Variants in ACYP2 observed in about 807,000 individuals in gnomAD.
ACYP2 encodes acylphosphatase-2.
ACYP2 carries 12 observed loss-of-function variants against 11.2 expected under a neutral mutation model. That is an observed-to-expected ratio of 1.08 (90% confidence interval 0.69 to 1.74). The LOEUF (loss-of-function observed/expected upper bound fraction) is 1.74, where lower values mean the gene tolerates loss of function less well. Ranked by LOEUF, ACYP2 falls within the 40% of genes most tolerant of loss-of-function variation. ACYP2 has a pLI of 0.00. For missense variants in ACYP2, 134 were observed against 101.9 expected (o/e 1.31, Z -1.35); for synonymous variants, 43 against 32.2 (o/e 1.33, Z -1.13).
intron 2 of ACYP2, among the ~76,000 whole-genome samples, chr2:54,050,672 G>A (rs13409049): frequency 0.026 from 3,929 of 151,926 alleles, 162 homozygotes; most frequent in African/African-American, 0.089. Context: ...TGTATACACC[G>A]CTCCAGTGCT....
chr2:54,281,678 T>G (rs536415764), intron 6 of ACYP2, among the ~76,000 whole-genome samples: 1 of 152,292 alleles, frequency 6.6e-6, no homozygotes, highest in African/African-American at 2.4e-5. Flanking sequence ...AATCAAAAGC[T>G]TACTCTTGTG....
intron 6 of ACYP2, among the ~76,000 whole-genome samples, chr2:54,226,314 A>G (rs1686008908): frequency 6.6e-6 from 1 of 152,182 alleles, no homozygotes; most frequent in African/African-American, 2.4e-5. Flanking sequence ...AAAGATATTG[A>G]GCGTCTGGAA....
intron 4 of ACYP2, among the ~76,000 whole-genome samples, chr2:54,098,730 T>C (rs948630698): frequency 1.6e-5 from 1 of 61,262 alleles, no homozygotes; most frequent in Admixed American, 1.6e-4. Context: ...ATGTCCCTTT[T>C]TTTTTTTTTT....
intron 2 of ACYP2, among the ~76,000 whole-genome samples, chr2:54,030,403 CAT>C (rs1165571426): frequency 3.3e-5 from 5 of 152,118 alleles, no homozygotes; most frequent in African/African-American, 4.8e-5. Flanking sequence ...TCCTACTGAC[CAT>C]ATGTTTCATT....
chr2:54,206,844 C>T (rs747026235), intron 6 of ACYP2, among the ~76,000 whole-genome samples: 25 of 152,116 alleles, frequency 1.6e-4, no homozygotes, highest in Admixed American at 7.9e-4. Context: ...CCATATTGTT[C>T]GGGGCAGGCT....
At chr2:54,090,523 C>T (rs1471629013) in intron 4 of ACYP2, among the ~76,000 whole-genome samples, 2 of 152,164 alleles carry the variant, frequency 1.3e-5, no homozygotes, top group Non-Finnish European at 2.9e-5. Flanking sequence ...CCCAGCTACT[C>T]AGGAGGCTGA....
chr2:54,073,126 AT>A (rs996869407), intron 4 of ACYP2, among the ~76,000 whole-genome samples: 3 of 152,206 alleles, frequency 2.0e-5, no homozygotes, highest in African/African-American at 7.2e-5. Flanking sequence ...CGCTAAGACA[AT>A]TCAATGGGAA....
At chr2:54,232,752 G>C (rs1455524508) in intron 6 of ACYP2, among the ~76,000 whole-genome samples, 1 of 152,158 alleles carries the variant, frequency 6.6e-6, no homozygotes, top group Non-Finnish European at 1.5e-5. Flanking sequence ...GGCGGCAAGA[G>C]AGGGAGAGCA....
At chr2:54,228,373 G>A (rs543816294) in intron 6 of ACYP2, among the ~76,000 whole-genome samples, 5 of 152,190 alleles carry the variant, frequency 3.3e-5, no homozygotes, top group East Asian at 1.9e-4. Flanking sequence ...ACAGTATTAT[G>A]TATCATCTGT....
At chr2:54,127,664 C>T (rs1680616238) in intron 4 of ACYP2, among the ~76,000 whole-genome samples, 1 of 150,726 alleles carries the variant, frequency 6.6e-6, no homozygotes, top group African/African-American at 2.4e-5. Context: ...CGGAGAATCG[C>T]TTGAACCTGG....
At chr2:54,219,829 A>ATATATATGTGTGTACGTGTG (rs796177863) in intron 6 of ACYP2, among the ~76,000 whole-genome samples, 1 of 141,126 alleles carries the variant, frequency 7.1e-6, no homozygotes, top group East Asian at 2.1e-4. Context: ...GTGTGTGTGT[A>ATATATATGTGTGTACGTGTG]TATATATGTG....
At chr2:54,042,896 A>G (rs1186842711) in intron 2 of ACYP2, among the ~76,000 whole-genome samples, 1 of 152,228 alleles carries the variant, frequency 6.6e-6, no homozygotes, top group Non-Finnish European at 1.5e-5. Context: ...AGGAACCTAA[A>G]CACATCAGCA....
intron 2 of ACYP2, among the ~76,000 whole-genome samples, chr2:54,009,428 G>A (rs185384198): frequency 2.6e-5 from 4 of 152,034 alleles, no homozygotes; most frequent in African/African-American, 9.6e-5. Flanking sequence ...AAACAAATTA[G>A]CTGGGCATGG....
intron 6 of ACYP2, among the ~76,000 whole-genome samples, chr2:54,164,240 G>A (rs1486608697): frequency 2.0e-5 from 3 of 152,166 alleles, no homozygotes; most frequent in African/African-American, 7.2e-5. Context: ...AATCATGGAT[G>A]CACACAGGAA....
chr2:54,166,157 T>A (rs572410114), intron 6 of ACYP2, among the ~76,000 whole-genome samples: 1 of 152,328 alleles, frequency 6.6e-6, no homozygotes, highest in South Asian at 2.1e-4. Flanking sequence ...CCAAAGTGTG[T>A]GCGCTCCACT....
In ACYP2 at chr2:54,267,614, G is replaced by T. The variant is rs186152310; in HGVS notation, c.405-37074G>T. Among the ~76,000 whole-genome samples, 225 of 152,300 alleles carry T rather than the reference G, an allele frequency of 1.5e-3. 1 individual carries two copies. The highest frequency in any genetic ancestry group is 5.3e-3 in the African/African-American group (219 of 41,566). On this transcript the variant is annotated intron_variant, in intron 6 of 6. Coordinates refer to ENST00000607452, the MANE Select transcript of ACYP2 (RefSeq NM_001320586.2). ...AAATTTAAAGATCATTCTGGAAAATGAGACAGGAATTAAAAGAACTCTATG... is the reference window on the plus strand; with the variant it reads ...AAATTTAAAGATCATTCTGGAAAATTAGACAGGAATTAAAAGAACTCTATG...
At chr2:54,209,062 G>A (rs527747738) in intron 6 of ACYP2, among the ~76,000 whole-genome samples, 1 of 149,832 alleles carries the variant, frequency 6.7e-6, no homozygotes, top group Non-Finnish European at 1.5e-5. Context: ...TAAGAATGAA[G>A]CTAGGAATGT....
chr2:54,144,673 C>CA (rs60045228), intron 6 of ACYP2, among the ~76,000 whole-genome samples: 11,741 of 113,166 alleles, frequency 0.1, 641 homozygotes, highest in East Asian at 0.33. Context: ...GACTCTGTCT[C>CA]AAAAAAAAAA....
At chr2:54,027,606 C>T (rs1166203607) in intron 2 of ACYP2, among the ~76,000 whole-genome samples, 1 of 152,068 alleles carries the variant, frequency 6.6e-6, no homozygotes, top group Non-Finnish European at 1.5e-5. Flanking sequence ...GTTAATCTGT[C>T]TTTTATTATA....
Sources: gnomAD v4.1 joint callset for allele counts (sites outside exome capture counted in the v4.1 genomes callset) on GRCh38, gnomAD v4.1.1 for gene constraint, MANE v1.5 for transcripts, NCBI Gene and HGNC (gene_info 2026-07-23, HGNC 2026-07-21) for gene names.